ERCC8: variants seen among roughly 807,000 people sequenced by gnomAD.
ERCC8 encodes ERCC excision repair 8, CSA ubiquitin ligase complex subunit, also known as DNA excision repair protein ERCC-8.
Under a neutral mutation model 54.9 loss-of-function variants are expected in ERCC8, and 52 were observed. The observed-to-expected ratio is 0.95, with a 90% CI of 0.76 to 1.19. The LOEUF is 1.19. Among genes scored for constraint, ERCC8 ranks in the 50% most tolerant of loss-of-function variants. The pLI, the probability that ERCC8 is intolerant of heterozygous loss-of-function variation, is 0.00. For synonymous variants in ERCC8, 146 were observed against 157.2 expected (o/e 0.93, Z 0.53); for missense variants, 514 against 466.1 (o/e 1.10, Z -0.95).
chr5:60,883,034 G>T (rs1561495476), intron 11 of ERCC8, among the ~76,000 whole-genome samples: 1 of 151,412 alleles, frequency 6.6e-6, no homozygotes, highest in Non-Finnish European at 1.5e-5. Flanking sequence ...CCACATGAGG[G>T]CCATGCTTCC....
intron 1 of ERCC8, among the ~76,000 whole-genome samples, chr5:60,937,217 G>A (rs1179961118): frequency 2.6e-5 from 4 of 152,218 alleles, no homozygotes; most frequent in Admixed American, 1.3e-4. Context: ...GCCCTTGGTT[G>A]TATTTTTGTT....
chr5:60,911,963 G>C (rs1474857011), intron 4 of ERCC8, among the ~76,000 whole-genome samples: 2 of 152,070 alleles, frequency 1.3e-5, no homozygotes, highest in African/African-American at 4.8e-5. Context: ...CTCTGTTTTG[G>C]TACCAGTACC....
intron 1 of ERCC8, among the ~76,000 whole-genome samples, chr5:60,941,869 G>T (rs34676209): frequency 0.2 from 30,239 of 152,056 alleles, 3,574 homozygotes; most frequent in Non-Finnish European, 0.26. Flanking sequence ...AAATATAATG[G>T]CTACTTTTTT....
At chr5:60,937,692 G>A (rs999035330) in intron 1 of ERCC8, among the ~76,000 whole-genome samples, 8 of 152,270 alleles carry the variant, frequency 5.3e-5, no homozygotes, top group African/African-American at 1.7e-4. Flanking sequence ...GCAGGGCTGA[G>A]GACTTGCCCC....
chr5:60,904,626 GTGTGTGTGTATATATA>G (rs1749000911), intron 5 of ERCC8, among the ~76,000 whole-genome samples, 150 bp downstream of exon 5: 1 of 24,720 alleles, frequency 4.0e-5, no homozygotes, highest in Non-Finnish European at 6.7e-5. Context: ...TATATAGTGT[GTGTGTGTGTATATATA>G]TATATATATA....
At chr5:60,881,027 T>C (rs1352386085) in intron 11 of ERCC8, among the ~76,000 whole-genome samples, 1 of 152,148 alleles carries the variant, frequency 6.6e-6, no homozygotes, top group Non-Finnish European at 1.5e-5. Flanking sequence ...GATGGTGACG[T>C]ACAGATGGGG....
chr5:60,932,722 CTGAGT>C (rs1749944424), intron 1 of ERCC8, among the ~76,000 whole-genome samples: 1 of 152,128 alleles, frequency 6.6e-6, no homozygotes, highest in Non-Finnish European at 1.5e-5. Context: ...TAATTAAATG[CTGAGT>C]TCTCAGCCCT....
chr5:60,893,032 GA>G, intron 9 of ERCC8: 1 of 784,720 alleles, frequency 1.3e-6, no homozygotes, highest in Non-Finnish European at 2.3e-6. Flanking sequence ...AACTCATTCC[GA>G]AGGTAATCCA....
intron 4 of ERCC8, among the ~76,000 whole-genome samples, chr5:60,907,837 C>T (rs948957285): frequency 3.3e-5 from 5 of 152,150 alleles, no homozygotes; most frequent in Non-Finnish European, 4.4e-5. Flanking sequence ...TCTCTAATTC[C>T]TTATCTCCCA....
chr5:60,887,786 C>T (rs1171131977), intron 10 of ERCC8, among the ~76,000 whole-genome samples: 1 of 152,060 alleles, frequency 6.6e-6, no homozygotes, highest in Non-Finnish European at 1.5e-5. Flanking sequence ...GCAGTTTTAT[C>T]AATTATAGTA....
At chr5:60,940,938 CA>C (rs775081196) in intron 1 of ERCC8, among the ~76,000 whole-genome samples, 1 of 152,088 alleles carries the variant, frequency 6.6e-6, no homozygotes, top group Non-Finnish European at 1.5e-5. Flanking sequence ...TGGGAAAAGA[CA>C]AACAAAACAA....
chr5:60,936,164 G>A (rs915435688), intron 1 of ERCC8, among the ~76,000 whole-genome samples: 1 of 152,064 alleles, frequency 6.6e-6, no homozygotes, highest in African/African-American at 2.4e-5. Context: ...ACTTTTTTTG[G>A]TAACTTTTTT....
intron 11 of ERCC8, among the ~76,000 whole-genome samples, chr5:60,875,056 C>T (rs1348621837): frequency 2.6e-5 from 4 of 152,214 alleles, no homozygotes; most frequent in Non-Finnish European, 5.9e-5. Context: ...TAAGACTGGA[C>T]TCCAGGTGTA....
intron 9 of ERCC8, chr5:60,893,090 C>G (rs547133603): frequency 1.9e-4 from 148 of 775,096 alleles, no homozygotes; most frequent in Middle Eastern, 4.7e-4. Context: ...TTTTCAAGAC[C>G]AGGACCAGCT....
At chr5:60,909,954 C>T (rs961596365) in intron 4 of ERCC8, 1 of 148,438 alleles carries the variant, frequency 6.7e-6, no homozygotes, top group African/African-American at 2.5e-5. Flanking sequence ...GAGCGAGACT[C>T]CGTCTAGAAA....
At chr5:60,896,440 G>T (rs1372184883) in intron 9 of ERCC8, among the ~76,000 whole-genome samples, 1 of 152,032 alleles carries the variant, frequency 6.6e-6, no homozygotes, top group Admixed American at 6.6e-5. Context: ...TTGATCTCCT[G>T]ACCTCGTGAT....
intron 1 of ERCC8, among the ~76,000 whole-genome samples, chr5:60,938,463 C>T (rs1257359332): frequency 1.3e-5 from 2 of 150,234 alleles, no homozygotes; most frequent in Admixed American, 1.3e-4. Context: ...AAGCGATTCT[C>T]CTGCCTCAGC....
At chr5:60,913,117 A>C (rs1749320200) in intron 4 of ERCC8, among the ~76,000 whole-genome samples, 2 of 152,102 alleles carry the variant, frequency 1.3e-5, no homozygotes, top group South Asian at 4.1e-4. Flanking sequence ...AAAATGAGTT[A>C]GGGAGGATTC....
chr5:60,904,735 T>C, intron 5 of ERCC8, 57 bp downstream of exon 5: 5 of 951,316 alleles, frequency 5.3e-6, no homozygotes, highest in South Asian at 2.9e-5. Flanking sequence ...ACTAACTACA[T>C]ATAAAAAGGG....
Sources: gnomAD v4.1 joint callset for allele counts (sites outside exome capture counted in the v4.1 genomes callset) on GRCh38, gnomAD v4.1.1 for gene constraint, MANE v1.5 for transcripts, NCBI Gene and HGNC (gene_info 2026-07-23, HGNC 2026-07-21) for gene names.